The following CLASP1 variants were observed in gnomAD, a reference collection of about 807,000 sequenced individuals.
CLASP1 encodes the protein cytoplasmic linker associated protein 1.
CLASP1 carries 38 observed loss-of-function variants against 192.3 expected under a neutral mutation model. The ratio of observed to expected loss-of-function variants is 0.20; its 90% confidence interval spans 0.15 to 0.26. The LOEUF (loss-of-function observed/expected upper bound fraction) is 0.26, where lower values mean the gene tolerates loss of function less well. Ranked by LOEUF, CLASP1 falls within the 10% of genes least tolerant of loss-of-function variation. The pLI is 1.00. For synonymous variants in CLASP1, 691 were observed against 712.8 expected, an observed-to-expected ratio of 0.97 and a Z score of 0.49; for missense variants, 1,433 against 1,932.5, an observed-to-expected ratio of 0.74 and a Z score of 4.85.
At chr2:121,626,793 T>C (rs1010727384) in intron 1 of CLASP1, among the ~76,000 whole-genome samples, 6 of 152,180 alleles carry the variant, frequency 3.9e-5, no homozygotes, top group African/African-American at 1.2e-4. Context: ...TGCAGCTCCT[T>C]CTTCTCACCA....
intron 8 of CLASP1, chr2:121,470,417 C>T (rs2149975440): frequency 2.3e-6 from 1 of 427,498 alleles, no homozygotes; most frequent in Non-Finnish European, 4.5e-6. Context: ...ACCTGGTACA[C>T]ACTTTAAACT....
intron 2 of CLASP1, among the ~76,000 whole-genome samples, chr2:121,531,448 AGCCGGGCG>A (rs1395006230): frequency 6.6e-6 from 1 of 150,738 alleles, no homozygotes; most frequent in Non-Finnish European, 1.5e-5. Context: ...ACAAAAAATT[AGCCGGGCG>A]AGGTGGCCGG....
At chr2:121,397,642 T>C (rs1398739891) in intron 29 of CLASP1, among the ~76,000 whole-genome samples, 11 of 152,210 alleles carry the variant, frequency 7.2e-5, no homozygotes, top group Non-Finnish European at 5.9e-5. Flanking sequence ...AGCTCTAGTT[T>C]TGTCACACGT....
At chr2:121,460,664 C>A (rs1200763747) in intron 11 of CLASP1, among the ~76,000 whole-genome samples, 3 of 152,054 alleles carry the variant, frequency 2.0e-5, no homozygotes, top group African/African-American at 7.2e-5. Context: ...TAAGACACAC[C>A]CTCACTTTAA....
At chr2:121,535,025 T>C (rs1190087967) in intron 2 of CLASP1, among the ~76,000 whole-genome samples, 5 of 152,152 alleles carry the variant, frequency 3.3e-5, no homozygotes, top group Non-Finnish European at 7.4e-5. Context: ...CCCAGCACTT[T>C]GGGAGGCCAA....
At chr2:121,491,211 G>C (rs2093288489) in intron 8 of CLASP1, among the ~76,000 whole-genome samples, 1 of 152,190 alleles carries the variant, frequency 6.6e-6, no homozygotes, top group African/African-American at 2.4e-5. Flanking sequence ...GTACATTCAT[G>C]TATAAGAGCC....
At chr2:121,344,427 G>T (rs1285049543) in intron 39 of CLASP1, among the ~76,000 whole-genome samples, 2 of 151,944 alleles carry the variant, frequency 1.3e-5, no homozygotes, top group African/African-American at 4.8e-5. Context: ...CACCTCCCAG[G>T]TTCAAGCGAT....
At chr2:121,435,435 C>T (rs558535709) in intron 19 of CLASP1, among the ~76,000 whole-genome samples, 19 of 152,056 alleles carry the variant, frequency 1.2e-4, no homozygotes, top group East Asian at 3.9e-4. Flanking sequence ...CCACCACGAC[C>T]GGCTAATTTT....
intron 6 of CLASP1, among the ~76,000 whole-genome samples, chr2:121,523,283 A>G (rs1009372007): frequency 6.6e-6 from 1 of 152,246 alleles, no homozygotes; most frequent in East Asian, 1.9e-4. Flanking sequence ...AACTGAATCT[A>G]CATTTTGAGA....
intron 8 of CLASP1, among the ~76,000 whole-genome samples, chr2:121,483,257 T>G (rs1226484023): frequency 6.6e-6 from 1 of 152,140 alleles, no homozygotes; most frequent in Non-Finnish European, 1.5e-5. Context: ...TGGCCATGAA[T>G]TTCTAGCTGC....
At chr2:121,366,783 C>G (rs1193092493) in intron 35 of CLASP1, among the ~76,000 whole-genome samples, 1 of 152,116 alleles carries the variant, frequency 6.6e-6, no homozygotes. Context: ...ACTATCAAAT[C>G]GAAATAAACC....
chr2:121,427,310 A>G (rs2080578312), intron 21 of CLASP1, 94 bp downstream of exon 21: 1 of 1,416,374 alleles, frequency 7.1e-7, no homozygotes, highest in Non-Finnish European at 9.6e-7. Flanking sequence ...AGCTTACAAT[A>G]AAGAGAGAAA....
At chr2:121,359,228 A>G (rs2065916904) in intron 37 of CLASP1, among the ~76,000 whole-genome samples, 1 of 152,254 alleles carries the variant, frequency 6.6e-6, no homozygotes, top group South Asian at 2.1e-4. Context: ...TTATGTAGCA[A>G]CATTTGTATA....
At chr2:121,531,064 C>CTAGTAT (rs755601859) in intron 2 of CLASP1, 1 of 693,560 alleles carries the variant, frequency 1.4e-6, no homozygotes, top group African/African-American at 1.8e-5. Context: ...CGTAAATAAA[C>CTAGTAT]TAGTACTTTG....
At chr2:121,431,746 GTTTT>G (rs531841516) in intron 19 of CLASP1, among the ~76,000 whole-genome samples, 1 of 135,042 alleles carries the variant, frequency 7.4e-6, no homozygotes, top group Non-Finnish European at 1.6e-5. Flanking sequence ...CATTCCCTTG[GTTTT>G]TTTTTTTTTT....
chr2:121,499,967 G>C (rs573528639), intron 8 of CLASP1, among the ~76,000 whole-genome samples: 3 of 152,258 alleles, frequency 2.0e-5, no homozygotes, highest in South Asian at 2.1e-4. Flanking sequence ...ATCTTACACA[G>C]TACTGGAAGT....
chr2:121,604,149 C>T (rs1231602289), intron 2 of CLASP1, among the ~76,000 whole-genome samples: 1 of 152,136 alleles, frequency 6.6e-6, no homozygotes, highest in Admixed American at 6.5e-5. Flanking sequence ...AAATTATATT[C>T]ATCAAAATAT....
chr2:121,604,693 G>A (rs1223409897), intron 2 of CLASP1, among the ~76,000 whole-genome samples: 2 of 152,108 alleles, frequency 1.3e-5, no homozygotes, highest in Non-Finnish European at 2.9e-5. Flanking sequence ...AAGACAGGTA[G>A]GATAAATTTT....
intron 2 of CLASP1, among the ~76,000 whole-genome samples, chr2:121,549,706 C>CAAAAAAAAAAAA (rs57551536): frequency 5.7e-5 from 4 of 70,618 alleles, no homozygotes; most frequent in Admixed American, 1.6e-4. Context: ...CAATCCTCTG[C>CAAAAAAAAAAAA]AAAAAAAAAA....
Sources: gnomAD v4.1 joint callset for allele counts (sites outside exome capture counted in the v4.1 genomes callset) on GRCh38, gnomAD v4.1.1 for gene constraint, MANE v1.5 for transcripts, NCBI Gene and HGNC (gene_info 2026-07-23, HGNC 2026-07-21) for gene names.